Variants in ZNF385D observed in about 807,000 individuals in gnomAD.
ZNF385D encodes zinc finger protein 385D.
Under a neutral mutation model 35.8 loss-of-function variants are expected in ZNF385D, and 15 were observed. That is an observed-to-expected ratio of 0.42 (90% CI 0.28 to 0.64). The LOEUF (loss-of-function observed/expected upper bound fraction) is 0.64. Ranked by LOEUF, ZNF385D falls within the 30% of genes least tolerant of loss-of-function variation. The pLI is 0.23. For missense variants in ZNF385D, 474 were observed against 494.6 expected, an observed-to-expected ratio of 0.96 and a Z score of 0.39; for synonymous variants, 212 against 186.8, an observed-to-expected ratio of 1.13 and a Z score of -1.10.
chr3:22,090,325 T>C (rs2125600521), intron 3 of ZNF385D, among the ~76,000 whole-genome samples: 1 of 152,300 alleles, frequency 6.6e-6, no homozygotes, highest in Non-Finnish European at 1.5e-5. Flanking sequence ...ATCCAGGGCA[T>C]GTGTGACATC....
At chr3:22,012,732 C>CAG (rs1696654903) in intron 3 of ZNF385D, among the ~76,000 whole-genome samples, 1 of 151,890 alleles carries the variant, frequency 6.6e-6, no homozygotes, top group African/African-American at 2.4e-5. Context: ...TGGTGCCTAC[C>CAG]CCACTGTGTT....
At chr3:21,709,201 G>C (rs1206296819) in intron 1 of ZNF385D, among the ~76,000 whole-genome samples, 1 of 152,080 alleles carries the variant, frequency 6.6e-6, no homozygotes, top group African/African-American at 2.4e-5. Flanking sequence ...ATCTCCTTCA[G>C]GATCTCACGT....
intron 3 of ZNF385D, among the ~76,000 whole-genome samples, chr3:22,119,709 G>C (rs1461038765): frequency 6.6e-6 from 1 of 152,142 alleles, no homozygotes; most frequent in Non-Finnish European, 1.5e-5. Flanking sequence ...AAGATATGCT[G>C]TTTTACTATC....
Position 21,968,025 on chromosome 3 carries a change from T to A in ZNF385D, c.325+200792A>T, listed in dbSNP as rs192879683. On this transcript the variant is annotated intron_variant, in intron 3 of 5. Transcript: ENST00000494108. Reference sequence around the variant, plus strand: ...ACTGAAGTAGGTAGGAAAGAAAGTCTTGAATAGCTTACACCACCCCTCCCT... The same window carrying A: ...ACTGAAGTAGGTAGGAAAGAAAGTCATGAATAGCTTACACCACCCCTCCCT... Among the ~76,000 whole-genome samples the A allele has an allele frequency of 1.6e-4, 24 of 152,272 alleles. No individual in the cohort carries two copies. In the East Asian group the frequency reaches 4.6e-3, roughly 29 times the overall value.
chr3:21,637,413 A>G (rs2065481651), intron 2 of ZNF385D, among the ~76,000 whole-genome samples: 2 of 151,914 alleles, frequency 1.3e-5, no homozygotes, highest in South Asian at 4.1e-4. Flanking sequence ...TTGGCTGTTA[A>G]GTTTGTTAAT....
chr3:22,101,178 G>T (rs990367008), intron 3 of ZNF385D, among the ~76,000 whole-genome samples: 3 of 152,118 alleles, frequency 2.0e-5, no homozygotes. Context: ...TTTTCTAGTA[G>T]TATTCAAGAC....
intron 2 of ZNF385D, among the ~76,000 whole-genome samples, chr3:21,574,971 T>C (rs2063451234): frequency 6.6e-6 from 1 of 152,112 alleles, no homozygotes; most frequent in Non-Finnish European, 1.5e-5. Context: ...AAGAGGACTA[T>C]AGCTAAATAC....
At chr3:22,142,861 A>T (rs1338418680) in intron 3 of ZNF385D, among the ~76,000 whole-genome samples, 1 of 152,032 alleles carries the variant, frequency 6.6e-6, no homozygotes, top group Admixed American at 6.6e-5. Context: ...CGGGTTCCAA[A>T]AAGTTCTCTC....
chr3:21,934,367 A>AT (rs1176905737), intron 3 of ZNF385D, among the ~76,000 whole-genome samples: 1 of 152,204 alleles, frequency 6.6e-6, no homozygotes, highest in Non-Finnish European at 1.5e-5. Context: ...AATAAAAACA[A>AT]TTTGCAAGAA....
At chr3:21,516,164 A>G (rs1315096628) in intron 3 of ZNF385D, among the ~76,000 whole-genome samples, 1 of 152,094 alleles carries the variant, frequency 6.6e-6, no homozygotes, top group Non-Finnish European at 1.5e-5. Context: ...AAAAACACCA[A>G]CCTCAGAGTC....
rs571075562 is a variant in ZNF385D at position 21,749,391 on chromosome 3, A to G, written c.22+1504T>C. On this transcript the variant is annotated intron_variant, in intron 1 of 7. Coordinates refer to ENST00000281523, the MANE Select transcript of ZNF385D (RefSeq NM_024697.3). ...GGCCCTACTTCCTCACGACGATCAC[A>G]TAAGGAATTGTTTCAAGAGGGTGAA... Among the ~76,000 whole-genome samples, 214 of 152,320 alleles carry G rather than the reference A, an allele frequency of 1.4e-3. 1 individual carries two copies. Among genetic ancestry groups the G allele is most frequent in the Non-Finnish European group, 2.1e-3 (146 of 68,024 alleles).
intron 6 of ZNF385D, 121 bp downstream of exon 6, chr3:21,425,371 G>A (rs913284663): frequency 3.0e-5 from 30 of 992,544 alleles, no homozygotes; most frequent in South Asian, 2.0e-4. Context: ...CAGATGGAGG[G>A]ATGGATGAAT....
chr3:22,166,741 G>T (rs1028280447), intron 3 of ZNF385D, among the ~76,000 whole-genome samples: 1 of 152,082 alleles, frequency 6.6e-6, no homozygotes, highest in Non-Finnish European at 1.5e-5. Context: ...ATTATGCTTG[G>T]GACTAACTCT....
At chr3:21,529,855 C>T (rs1392826442) in intron 3 of ZNF385D, among the ~76,000 whole-genome samples, 3 of 152,154 alleles carry the variant, frequency 2.0e-5, no homozygotes, top group African/African-American at 7.2e-5. Context: ...CTCCATATCT[C>T]AGTTTCTTCA....
At chr3:22,154,196 T>G (rs1333950036) in intron 3 of ZNF385D, among the ~76,000 whole-genome samples, 3 of 152,176 alleles carry the variant, frequency 2.0e-5, no homozygotes, top group Admixed American at 6.5e-5. Flanking sequence ...CTGCCCTGTT[T>G]ATTGTTGAAG....
At chr3:21,868,721 TTAGA>T (rs1697518587) in intron 3 of ZNF385D, among the ~76,000 whole-genome samples, 3 of 152,264 alleles carry the variant, frequency 2.0e-5, no homozygotes, top group Middle Eastern at 3.4e-3. Flanking sequence ...CATATGTAAA[TTAGA>T]TAGAAAGTAA....
intron 3 of ZNF385D, among the ~76,000 whole-genome samples, chr3:22,012,262 C>G (rs1696623746): frequency 6.6e-6 from 1 of 152,076 alleles, no homozygotes. Context: ...TATTTACAAG[C>G]TAAAATTGAA....
At chr3:22,203,169 G>A (rs987309519) in intron 2 of ZNF385D, among the ~76,000 whole-genome samples, 1 of 152,000 alleles carries the variant, frequency 6.6e-6, no homozygotes, top group African/African-American at 2.4e-5. Context: ...AAGACAAAGA[G>A]GACTTTCTCT....
chr3:22,211,360 C>T (rs1037584812), intron 2 of ZNF385D, among the ~76,000 whole-genome samples: 1 of 151,874 alleles, frequency 6.6e-6, no homozygotes, highest in Non-Finnish European at 1.5e-5. Context: ...CCCATCTTTT[C>T]AAAAAATCTA....
Sources: gnomAD v4.1 joint callset for allele counts (sites outside exome capture counted in the v4.1 genomes callset) on GRCh38, gnomAD v4.1.1 for gene constraint, MANE v1.5 for transcripts, NCBI Gene and HGNC (gene_info 2026-07-23, HGNC 2026-07-21) for gene names.